The following GSTT2B variants were observed in gnomAD, a reference collection of about 807,000 sequenced individuals.
GSTT2B encodes the protein glutathione S-transferase theta 2B.
Under a neutral mutation model 16.6 loss-of-function variants are expected in GSTT2B, and 4 were observed. That is an observed-to-expected ratio of 0.24 (90% confidence interval 0.12 to 0.55). The LOEUF is 0.55. Ranked by LOEUF, GSTT2B falls within the 20% of genes least tolerant of loss-of-function variation. The pLI is 0.94. For missense variants in GSTT2B, 27 were observed against 266.1 expected, an observed-to-expected ratio of 0.10 and a Z score of 6.25; for synonymous variants, 9 against 110.9, an observed-to-expected ratio of 0.08 and a Z score of 5.77.
intron 1 of GSTT2B, 36 bp from the exon 2 acceptor site, chr22:23,960,417 A>G (rs1323984090): frequency 5.7e-6 from 9 of 1,571,058 alleles, no homozygotes; most frequent in South Asian, 4.5e-5. Context: ...TCTTCAGAAT[A>G]AAAACGCTGC....
At chr22:23,960,175 C>A (rs923719688) in intron 2 of GSTT2B, 119 bp downstream of exon 2, 6 of 1,238,350 alleles carry the variant, frequency 4.8e-6, no homozygotes, top group Middle Eastern at 4.1e-4. Context: ...AGATCCCTCG[C>A]CTTTCCCCTC....
rs1296391866 is a variant in GSTT2B, at chr22:23,958,551, C to CAGAGG, written c.350_351insCCTCT (p.Gln117HisfsTer48). 2.5e-5 allele frequency: 31 copies of CAGAGG among 1,254,054 alleles called. No individual in the cohort carries two copies. Among genetic ancestry groups the CAGAGG allele is most frequent in the Non-Finnish European group, 3.1e-5 (27 of 881,642 alleles). The allele number at this position is 1,254,054 out of a possible 1,614,324, so 77.7% of individuals were successfully genotyped here. On this transcript the variant is annotated frameshift_variant and splice_region_variant, in exon 3 of 5. Coordinates refer to ENST00000290765, the MANE Select transcript of GSTT2B (RefSeq NM_001080843.4). LOFTEE classifies it high-confidence loss of function. ...TCACTCTCCAGATGGCTCTCCTCACCTGGACCCACAGGGGTATACCAAAGG... is the reference window on the plus strand; with the variant it reads ...TCACTCTCCAGATGGCTCTCCTCACCAGAGGTGGACCCACAGGGGTATACCAAAGG...
rs1410784052 is a variant in GSTT2B, at chr22:23,960,440, T to C, written c.113-59A>G. Reference sequence around the variant, plus strand: ...ATAAAAACGCTGCACCTCTACACCCTCCCTCCTCCTCCCCAAGCGGAGCCC... The same window carrying C: ...ATAAAAACGCTGCACCTCTACACCCCCCCTCCTCCTCCCCAAGCGGAGCCC... On this transcript the variant is annotated intron_variant, in intron 1 of 4. Coordinates refer to ENST00000290765, the MANE Select transcript of GSTT2B (RefSeq NM_001080843.4). 4 of 1,442,604 alleles carry C rather than the reference T, an allele frequency of 2.8e-6. No individual in the cohort carries two copies. The East Asian group carries it at 9.4e-5, about 34-fold the overall frequency. The allele number at this position is 1,442,604 out of a possible 1,614,324, so 89.4% of individuals were successfully genotyped here.
chr22:23,958,260 C>CA (rs2033793872), intron 4 of GSTT2B, 25 bp downstream of exon 4: 2 of 872,612 alleles, frequency 2.3e-6, no homozygotes, highest in Non-Finnish European at 1.8e-6. Flanking sequence ...CGAAGAGGGA[C>CA]ACTGCCCACA....
intron 2 of GSTT2B, among the ~76,000 whole-genome samples, chr22:23,959,454 G>C (rs2033811247): frequency 9.8e-6 from 1 of 102,446 alleles, no homozygotes; most frequent in Non-Finnish European, 2.3e-5. Context: ...CTCAGAAAAG[G>C]CTGGAAGATG....
rs1325877634 is a variant in GSTT2B at position 23,960,390 on chromosome 22, G to A, written c.113-9C>T. 1 of 1,608,648 alleles carries A rather than the reference G, an allele frequency of 6.2e-7. No homozygotes were observed. Among genetic ancestry groups the A allele is most frequent in the East Asian group, 2.2e-5 (1 of 44,572 alleles). The stretch of plus-strand genomic sequence containing the variant: ...CTTGCTCTTGTGCTGCCCTGAAGAG[G>A]AAGAAGTCAGAAAAGGTCTTCAGAA... On this transcript the variant is annotated splice_polypyrimidine_tract_variant and intron_variant, in intron 1 of 4. Transcript: ENST00000290765.
At chr22:23,960,187 C>G in intron 2 of GSTT2B, 107 bp downstream of exon 2, 3 of 1,365,566 alleles carry the variant, frequency 2.2e-6, no homozygotes, top group Non-Finnish European at 3.1e-6. Context: ...TTTCCCCTCC[C>G]TCGCTGCCCC....
intron 1 of GSTT2B, 54 bp from the exon 2 acceptor site, chr22:23,960,435 CA>C: frequency 6.6e-7 from 1 of 1,507,698 alleles, no homozygotes; most frequent in Non-Finnish European, 9.1e-7. Context: ...TGCACCTCTA[CA>C]CCCTCCCTCC....
intron 2 of GSTT2B, among the ~76,000 whole-genome samples, chr22:23,959,238 C>T (rs1337997045): frequency 7.9e-6 from 1 of 126,910 alleles, no homozygotes; most frequent in Non-Finnish European, 1.7e-5. Context: ...CCTTTTCCTG[C>T]CCAGCAGCTG....
At chr22:23,959,938 A>C (rs1240994067) in intron 2 of GSTT2B, among the ~76,000 whole-genome samples, 1 of 99,976 alleles carries the variant, frequency 1.0e-5, no homozygotes, top group African/African-American at 3.2e-5. Flanking sequence ...ATCTCAGCAC[A>C]CTGCAAGCTC....
At chr22:23,958,864 G>A (rs1450376740) in intron 2 of GSTT2B, among the ~76,000 whole-genome samples, 163 bp from the exon 3 acceptor site, 4 of 37,026 alleles carry the variant, frequency 1.1e-4, no homozygotes, top group African/African-American at 2.8e-4. Context: ...CTCCTCCTAC[G>A]AGTCTCCTCC....
chr22:23,960,660 G>A (rs1332759248), intron 1 of GSTT2B, among the ~76,000 whole-genome samples: 1 of 107,102 alleles, frequency 9.3e-6, no homozygotes, highest in African/African-American at 2.9e-5. Flanking sequence ...AAACTGGGGT[G>A]GCTCATCTCT....
intron 2 of GSTT2B, among the ~76,000 whole-genome samples, chr22:23,959,678 C>T (rs552043154): frequency 1.1e-4 from 11 of 103,474 alleles, no homozygotes; most frequent in South Asian, 4.2e-4. Context: ...CCTGGGTTCA[C>T]GCCATTCTCC....
chr22:23,960,238 G>A, intron 2 of GSTT2B, 56 bp downstream of exon 2: 2 of 1,597,334 alleles, frequency 1.3e-6, no homozygotes, highest in Non-Finnish European at 1.7e-6. Context: ...GGCCAGTGGG[G>A]AGAGCCAAGG....
chr22:23,959,819 C>T (rs536319873), intron 2 of GSTT2B, among the ~76,000 whole-genome samples: 3 of 93,494 alleles, frequency 3.2e-5, no homozygotes, highest in African/African-American at 6.9e-5. Context: ...CCTCGTGATC[C>T]GCCCACCTCG....
In GSTT2B at chr22:23,960,275, G is replaced by A. The variant is rs1286930918; in HGVS notation, c.200+19C>T. On this transcript the variant is annotated intron_variant, in intron 2 of 4. Coordinates refer to ENST00000290765, the MANE Select transcript of GSTT2B (RefSeq NM_001080843.4). ...CACATGGGCTCCGGATGCGGTGAGG[G>A]GTGAGGGAAGGAGGGCACCTTTCGG... is the stretch of plus-strand genomic sequence containing the variant. 1 of 1,612,328 alleles carries A rather than the reference G, an allele frequency of 6.2e-7. No individual in the cohort carries two copies. Among genetic ancestry groups the A allele is most frequent in the Non-Finnish European group, 8.5e-7 (1 of 1,178,648 alleles).
At chr22:23,960,082 G>A (rs1416202517) in intron 2 of GSTT2B, among the ~76,000 whole-genome samples, 1 of 149,170 alleles carries the variant, frequency 6.7e-6, no homozygotes. Context: ...AGCCAGGATG[G>A]TCTCGGTCTC....
chr22:23,959,988 A>G (rs879695179), intron 2 of GSTT2B, among the ~76,000 whole-genome samples: 1 of 125,230 alleles, frequency 8.0e-6, no homozygotes, highest in South Asian at 3.1e-4. Context: ...CTCAGCCTCC[A>G]GAGTAGCTGG....
chr22:23,959,573 G>A (rs1354714314), intron 2 of GSTT2B, among the ~76,000 whole-genome samples: 1 of 100,394 alleles, frequency 1.0e-5, no homozygotes, highest in African/African-American at 3.1e-5. Flanking sequence ...TTTTTGAGAC[G>A]GAGTCTCCCT....
Sources: gnomAD v4.1 joint callset for allele counts (sites outside exome capture counted in the v4.1 genomes callset) on GRCh38, gnomAD v4.1.1 for gene constraint, MANE v1.5 for transcripts, NCBI Gene and HGNC (gene_info 2026-07-23, HGNC 2026-07-21) for gene names.